Variants in DNAH17 observed in about 807,000 individuals in gnomAD.
The protein encoded by DNAH17 is dynein axonemal heavy chain 17.
Under a neutral mutation model 485.6 loss-of-function variants are expected in DNAH17, and 376 were observed. That is an observed-to-expected ratio of 0.77 (90% CI 0.71 to 0.84). The LOEUF is 0.84. DNAH17 is among the 40% of genes least tolerant of loss of function. DNAH17 has a pLI of 0.00. For synonymous variants in DNAH17, 3,031 were observed against 2,405.9 expected, an observed-to-expected ratio of 1.26 and a Z score of -7.60; for missense variants, 6,370 against 5,839.3, an observed-to-expected ratio of 1.09 and a Z score of -2.96.
intron 62 of DNAH17, among the ~76,000 whole-genome samples, chr17:78,456,046 C>G (rs1442944280): frequency 6.6e-6 from 1 of 152,160 alleles, no homozygotes; most frequent in Admixed American, 6.5e-5. Context: ...TGCCTGCAAT[C>G]CCAGCACTTT....
intron 35 of DNAH17, chr17:78,500,845 A>G (rs764989516): frequency 3.4e-5 from 8 of 234,732 alleles, no homozygotes; most frequent in Non-Finnish European, 6.6e-5. Context: ...TGAAGGAGGA[A>G]CCACAACCGT....
intron 2 of DNAH17, 48 bp from the exon 3 acceptor site, chr17:78,572,942 TCGGCAACCGCA>T: frequency 6.4e-7 from 1 of 1,557,930 alleles, no homozygotes; most frequent in East Asian, 2.3e-5. Context: ...CTTCACCAGC[TCGGCAACCGCA>T]CAGAGCCAGG....
At chr17:78,510,311 GCT>G in intron 27 of DNAH17, 71 bp downstream of exon 27, 1 of 1,584,402 alleles carries the variant, frequency 6.3e-7, no homozygotes, top group South Asian at 1.1e-5. Flanking sequence ...CCCTCTGGGC[GCT>G]CTCAGTGGTT....
rs2092067253 is a variant in DNAH17, at chr17:78,558,101, A to G, written c.2178+7T>C. ...GCATCAGGAATAGTACCGACTCACC[A>G]ACTCACCTCATTATACCAGCCAACG... On this transcript the variant is annotated splice_region_variant and intron_variant, in intron 14 of 80. Transcript: ENST00000389840. 2 of 1,611,622 alleles carry G rather than the reference A, an allele frequency of 1.2e-6. No homozygotes were observed. Among genetic ancestry groups the G allele is most frequent in the Middle Eastern group, 1.7e-4 (1 of 6,050 alleles).
chr17:78,513,308 G>C (rs528520012), intron 26 of DNAH17, among the ~76,000 whole-genome samples: 4 of 152,204 alleles, frequency 2.6e-5, no homozygotes, highest in African/African-American at 9.6e-5. Flanking sequence ...ACAGATAGCA[G>C]GCCCTGAAAG....
chr17:78,473,200 AG>A (rs2088846720), intron 54 of DNAH17, among the ~76,000 whole-genome samples: 1 of 152,198 alleles, frequency 6.6e-6, no homozygotes, highest in African/African-American at 2.4e-5. Context: ...AGGAACTTAT[AG>A]CCCTGTTTAC....
At chr17:78,438,445 G>GGGAGGAGGAGGAGGGA (rs1484565594) in intron 73 of DNAH17, among the ~76,000 whole-genome samples, 1 of 7,590 alleles carries the variant, frequency 1.3e-4, no homozygotes, top group African/African-American at 4.8e-4. Flanking sequence ...AGGAGGAGGA[G>GGGAGGAGGAGGAGGGA]GGAGGAGGGA....
In DNAH17 at chr17:78,468,770, C is replaced by T. The variant is rs1430780605; in HGVS notation, c.8625G>A (p.Leu2875=). Reference sequence around the variant, plus strand: ...GCCCAGGGATCTCTCCTGAGGCCAGCAGGTCATTGATCAGCACCAGAAACT... The same window carrying T: ...GCCCAGGGATCTCTCCTGAGGCCAGTAGGTCATTGATCAGCACCAGAAACT... ...EEQFLVLIND[L]LASGEIPGLF... is the part of the protein sequence containing the mutation. The change falls in exon 55 of 81, where the codon CTG becomes CTA. Residue 2875 remains leucine, a synonymous_variant. Transcript: ENST00000389840. The T allele has an allele frequency of 6.2e-7, 1 of 1,614,052 alleles. No individual in the cohort carries two copies. Among genetic ancestry groups the T allele is most frequent in the Non-Finnish European group, 8.5e-7 (1 of 1,179,906 alleles).
At chr17:78,556,562 T>G (rs1175237572) in intron 14 of DNAH17, among the ~76,000 whole-genome samples, 1 of 151,934 alleles carries the variant, frequency 6.6e-6, no homozygotes, top group Non-Finnish European at 1.5e-5. Context: ...TGGGGTGGGG[T>G]CAAAGTTGTA....
chr17:78,429,352 G>T, intron 75 of DNAH17, 52 bp from the exon 76 acceptor site: 4 of 1,569,376 alleles, frequency 2.5e-6, no homozygotes, highest in Non-Finnish European at 3.5e-6. Flanking sequence ...CCCCTTCTCT[G>T]CCATGAGAGG....
At chr17:78,520,542 CAT>C (rs1167593963) in intron 25 of DNAH17, among the ~76,000 whole-genome samples, 2 of 152,162 alleles carry the variant, frequency 1.3e-5, no homozygotes, top group African/African-American at 4.8e-5. Flanking sequence ...AAAACAAACA[CAT>C]AAAAATTATT....
In DNAH17 at chr17:78,480,775, T is replaced by C; in HGVS notation, c.7661A>G (p.His2554Arg). Reference sequence around the variant, plus strand: ...ATGGATATCTTTTAACGTCAGCTTATGTCTGTCATACCTGAGGGGGGAAAC... The same window carrying C: ...ATGGATATCTTTTAACGTCAGCTTACGTCTGTCATACCTGAGGGGGGAAAC... ...HMDHRHWYDR[H>R]KLTLKDIHNC... Residue 2554 changes from histidine to arginine, a missense_variant, in exon 49 of 81, where the codon CAT becomes CGT. Transcript: ENST00000389840. The C allele has an allele frequency of 1.9e-6, 3 of 1,612,926 alleles. No homozygotes were observed. The highest frequency in any genetic ancestry group is 1.7e-5 in the Admixed American group (1 of 59,910).
rs548202256 is a variant in DNAH17, at chr17:78,507,116, G to A, written c.4676+162C>T. On this transcript the variant is annotated intron_variant, in intron 29 of 80. Coordinates refer to ENST00000389840, the MANE Select transcript of DNAH17 (RefSeq NM_173628.4). ...AGGCATCACGTGGTGGGATGAGGCC[G>A]GGGAGTGTGTGCTCCCCAGGGAAAG... Among the ~76,000 whole-genome samples the A allele has an allele frequency of 5.1e-4, 78 of 152,264 alleles. No homozygotes were observed. The South Asian group carries it at 8.1e-3, about 16-fold the overall frequency.
chr17:78,556,212 GATCT>G (rs1202996210), intron 14 of DNAH17, among the ~76,000 whole-genome samples: 1 of 151,666 alleles, frequency 6.6e-6, no homozygotes, highest in African/African-American at 2.4e-5. Context: ...TCTAGCTACC[GATCT>G]ATCTATCCAT....
At chr17:78,488,008 G>A (rs185066668) in intron 44 of DNAH17, among the ~76,000 whole-genome samples, 15 of 152,362 alleles carry the variant, frequency 9.8e-5, no homozygotes, top group Middle Eastern at 3.4e-3. Context: ...TCGCAACTAA[G>A]AACTGAATTC....
At chr17:78,566,887 T>C (rs764520282) in intron 10 of DNAH17, 112 bp downstream of exon 10, 14 of 1,388,190 alleles carry the variant, frequency 1.0e-5, no homozygotes, top group South Asian at 1.4e-5. Context: ...AGTGTTGGGA[T>C]CACCTGGCAC....
At chr17:78,483,840 T>C (rs2089459997) in intron 48 of DNAH17, among the ~76,000 whole-genome samples, 1 of 151,904 alleles carries the variant, frequency 6.6e-6, no homozygotes, top group African/African-American at 2.4e-5. Flanking sequence ...CTCACACCTC[T>C]AATCCCAGCA....
intron 17 of DNAH17, among the ~76,000 whole-genome samples, chr17:78,542,120 C>T (rs1285899671): frequency 6.7e-6 from 1 of 150,020 alleles, no homozygotes; most frequent in East Asian, 2.0e-4. Context: ...GGAAACCGCC[C>T]CCCCCAAAAA....
rs141770758 is a variant in DNAH17 at position 78,570,252 on chromosome 17, C to T, written c.1039G>A (p.Glu347Lys). 91 of 1,582,990 alleles carry T rather than the reference C, an allele frequency of 5.7e-5. No homozygotes were observed. The Middle Eastern group carries it at 8.3e-4, about 14-fold the overall frequency. ...AGGGGCCAGGGGAGGGTTACCATCT[C>T]GATGATTTGGTTGCAGAACTCCTGC... ...ILQEFCNQII[E>K]MTRTFLSPEE... Residue 347 changes from glutamate to lysine, a missense_variant, in exon 7 of 81, where the codon GAG (glutamate) becomes AAG (lysine). Glu to Lys is a moderately conservative substitution (Grantham distance 56, BLOSUM62 1). Coordinates refer to ENST00000389840, the MANE Select transcript of DNAH17 (RefSeq NM_173628.4).
Sources: allele counts gnomAD v4.1 joint callset (sites outside exome capture counted in the v4.1 genomes callset), GRCh38; gene constraint gnomAD v4.1.1; transcripts MANE v1.5; gene names NCBI Gene and HGNC (gene_info 2026-07-23, HGNC 2026-07-21).